Variants in PCARE observed in about 807,000 individuals in gnomAD.
PCARE encodes photoreceptor cilium actin regulator.
In PCARE, 72 loss-of-function variants were observed where a neutral mutation model predicts 82.2. The ratio of observed to expected loss-of-function variants is 0.88; its 90% CI spans 0.72 to 1.07. The LOEUF (loss-of-function observed/expected upper bound fraction) is 1.07, where lower values mean the gene tolerates loss of function less well. PCARE is among the 50% of genes least tolerant of loss of function. The probability of loss-of-function intolerance (pLI) is 0.00; values close to 1 mark genes in which losing one functional copy is unlikely to be tolerated. For missense variants in PCARE, 1,768 were observed against 1,592.4 expected, an observed-to-expected ratio of 1.11 and a Z score of -1.88; for synonymous variants, 705 against 634.8, an observed-to-expected ratio of 1.11 and a Z score of -1.66.
chr2:29,064,835 G>T lies in PCARE; in HGVS notation c.*34C>A, dbSNP rs745626992. ...TGGCTGTCACACTTGGCCTTCTGGG[G>T]TGACTGCGTGAGTGTGGCCCCCTCG... On this transcript the variant is annotated 3_prime_UTR_variant, in exon 2 of 2. Coordinates refer to ENST00000331664, the MANE Select transcript of PCARE (RefSeq NM_001029883.3). 1.2e-4 allele frequency: 187 copies of T among 1,607,310 alleles called. No individual in the cohort carries two copies. Among genetic ancestry groups the T allele is most frequent in the Non-Finnish European group, 1.5e-4 (174 of 1,179,786 alleles).
In PCARE at chr2:29,071,977, C is replaced by T; in HGVS notation, c.2285G>A (p.Cys762Tyr). 1 of 1,613,906 alleles carries T rather than the reference C, an allele frequency of 6.2e-7. No homozygotes were observed. Among genetic ancestry groups the T allele is most frequent in the Non-Finnish European group, 8.5e-7 (1 of 1,179,796 alleles). The change falls in exon 1 of 2, where the codon TGC becomes TAC. Residue 762 changes from cysteine (C) to tyrosine (Y), a missense_variant. Coordinates refer to ENST00000331664, the MANE Select transcript of PCARE (RefSeq NM_001029883.3). ...DAGASPCLRN[C>Y]IMPPRFPKYT... ...CTTGGGAAATCTGGGGGGCATGATG[C>T]AATTCCTGAGGCAGGGACTTGCCCC...
rs771275924 is a variant in PCARE at position 29,072,330 on chromosome 2, G to A, written c.1932C>T (p.Pro644=). 3.1e-6 allele frequency: 5 copies of A among 1,614,112 alleles called. No homozygotes were observed. Among genetic ancestry groups the A allele is most frequent in the Middle Eastern group, 1.7e-4 (1 of 6,058 alleles). The change falls in exon 1 of 2, where the codon CCC becomes CCT. Residue 644 remains proline, a synonymous_variant. Coordinates refer to ENST00000331664, the MANE Select transcript of PCARE (RefSeq NM_001029883.3). ...QGQSQEQILQ[P]RAAAVWPNGT... The stretch of plus-strand genomic sequence containing the variant: ...CATTGGGCCACACGGCGGCTGCTCT[G>A]GGCTGCAGAATTTGCTCCTGGCTCT...
Position 29,064,522 on chromosome 2 carries a change from T to C in PCARE, c.*347A>G. ...ATTCACTGTTGTGAGGCTTAAGTGA[T>C]CTCAAGGAATGAACCCAGTTAAAAC... On this transcript the variant is annotated 3_prime_UTR_variant, in exon 2 of 2. Coordinates refer to ENST00000331664, the MANE Select transcript of PCARE (RefSeq NM_001029883.3). 1 of 444,604 alleles carries C rather than the reference T, an allele frequency of 2.2e-6. No individual in the cohort carries two copies. Among genetic ancestry groups the C allele is most frequent in the Admixed American group, 3.6e-5 (1 of 27,996 alleles). The allele number at this position is 444,604 out of a possible 1,614,324, so 27.5% of individuals were successfully genotyped here.
In PCARE at chr2:29,071,042, G is replaced by A. The variant is rs1299381541; in HGVS notation, c.3220C>T (p.Pro1074Ser). The A allele has an allele frequency of 1.9e-6, 3 of 1,585,764 alleles. No homozygotes were observed. The Admixed American group carries it at 5.0e-5, about 27-fold the overall frequency. The change falls in exon 1 of 2, where the codon CCA becomes TCA. Residue 1074 changes from proline to serine, a missense_variant. By Grantham distance (74) the Pro-to-Ser change is moderately conservative. Transcript: ENST00000331664. ...APAQCKVPSP[P>S]TQHPEASPPF... ...GGGCTTGCTTCTGGGTGCTGGGTTGGGGGGCTGGGGACCTTGCACTGAGCA... is the reference window on the plus strand; with the variant it reads ...GGGCTTGCTTCTGGGTGCTGGGTTGAGGGGCTGGGGACCTTGCACTGAGCA...
rs1437439096 is a variant in PCARE, at chr2:29,072,718, T to A, written c.1544A>T (p.Gln515Leu). 1.2e-6 allele frequency: 2 copies of A among 1,613,942 alleles called. No individual in the cohort carries two copies. The highest frequency in any genetic ancestry group is 2.7e-5 in the African/African-American group (2 of 74,914). ...WQEKTPHSRPQSSPADRESPF... is the reference protein window; with the variant it reads ...WQEKTPHSRPLSSPADRESPF... ...GCTTTCCCGGTCAGCAGGTGAAGAT[T>A]GTGGCCTTGAATGTGGAGTTTTTTC... The change falls in exon 1 of 2, where the codon CAA becomes CTA. Residue 515 changes from glutamine (Q) to leucine (L), a missense_variant. Coordinates refer to ENST00000331664, the MANE Select transcript of PCARE (RefSeq NM_001029883.3).
At position 29,071,483 on chromosome 2, in the gene PCARE, G is replaced by C; in HGVS notation, c.2779C>G (p.Pro927Ala). 6.2e-7 allele frequency: 1 copy of C among 1,611,420 alleles called. No homozygotes were observed. Among genetic ancestry groups the C allele is most frequent in the Non-Finnish European group, 8.5e-7 (1 of 1,179,960 alleles). ...TCGGGGCTTTGGCTGGTGGCTGGTG[G>C]GCTGCTCAGGTCCAGGGCTGGCTTC... ...PRKPALDLSSPPATSQSPEVK... is the reference protein window; with the variant it reads ...PRKPALDLSSAPATSQSPEVK... The change falls in exon 1 of 2, where the codon CCA becomes GCA. Residue 927 changes from proline to alanine, a missense_variant. Pro to Ala is a conservative substitution (Grantham distance 27). Transcript: ENST00000331664.
In PCARE at chr2:29,073,497, C is replaced by A; in HGVS notation, c.765G>T (p.Leu255Phe). 6.2e-7 allele frequency: 1 copy of A among 1,614,160 alleles called. No homozygotes were observed. The highest frequency in any genetic ancestry group is 8.5e-7 in the Non-Finnish European group (1 of 1,180,026). The change falls in exon 1 of 2, where the codon TTG becomes TTT. Residue 255 changes from leucine to phenylalanine, a missense_variant. Transcript: ENST00000331664. ...QEVREDLAWP[L>F]KKREPQEQPN... is the part of the protein sequence containing the mutation. ...GCTGCTCCTGGGGCTCTCTTTTCTT[C>A]AAAGGCCAAGCCAGATCCTCCCTGA... is the stretch of plus-strand genomic sequence containing the variant.
chr2:29,066,210 A>G (rs1572822930), intron 1 of PCARE, among the ~76,000 whole-genome samples: 2 of 152,338 alleles, frequency 1.3e-5, no homozygotes, highest in East Asian at 3.9e-4. Flanking sequence ...AGGCACTCAT[A>G]GGTATCAATA....
At position 29,073,577 on chromosome 2, in the gene PCARE, T is replaced by C. The variant is rs752950311; in HGVS notation, c.685A>G (p.Ile229Val). The C allele has an allele frequency of 2.5e-6, 4 of 1,614,042 alleles. No homozygotes were observed. Among genetic ancestry groups the C allele is most frequent in the Non-Finnish European group, 3.4e-6 (4 of 1,180,034 alleles). The change falls in exon 1 of 2, where the codon ATC (isoleucine) becomes GTC (valine). Residue 229 changes from isoleucine (I) to valine (V), a missense_variant. Coordinates refer to ENST00000331664, the MANE Select transcript of PCARE (RefSeq NM_001029883.3). ...VSFLLLCFEE[I>V]SQLLGEISKD... ...GAGATCTCCCCCAACAGCTGGCTGA[T>C]CTCCTCAAAGCACAGCAGCAAGAAG...
Position 29,064,767 on chromosome 2 carries a change from A to G in PCARE, c.*102T>C, listed in dbSNP as rs1159422728. 1.4e-6 allele frequency: 2 copies of G among 1,476,744 alleles called. No homozygotes were observed. Among genetic ancestry groups the G allele is most frequent in the Non-Finnish European group, 1.9e-6 (2 of 1,078,478 alleles). The allele number at this position is 1,476,744 out of a possible 1,614,324, so 91.5% of individuals were successfully genotyped here. A position where few individuals can be genotyped will look rare whatever the true frequency, so the allele number is the denominator to read the frequency against. On this transcript the variant is annotated 3_prime_UTR_variant, in exon 2 of 2. Coordinates refer to ENST00000331664, the MANE Select transcript of PCARE (RefSeq NM_001029883.3). ...CCAGGCCTTTCCAGGACACCTCAGTAGGAGTTTGGTTTGCCCATCATCTCT... is the reference window on the plus strand; with the variant it reads ...CCAGGCCTTTCCAGGACACCTCAGTGGGAGTTTGGTTTGCCCATCATCTCT...
Position 29,073,769 on chromosome 2 carries a change from G to A in PCARE, c.493C>T (p.His165Tyr), listed in dbSNP as rs1286782401. 6.2e-7 allele frequency: 1 copy of A among 1,614,224 alleles called. No homozygotes were observed. The highest frequency in any genetic ancestry group is 1.1e-5 in the South Asian group (1 of 91,084). Residue 165 changes from histidine to tyrosine, a missense_variant, in exon 1 of 2, where the codon CAC becomes TAC. Physicochemically the swap from His to Tyr is moderately conservative, Grantham distance 83 (BLOSUM62 2). Transcript: ENST00000331664. Reference protein sequence around the residue: ...STQSHCYQTIHPAHEPEGKVD... With the variant: ...STQSHCYQTIYPAHEPEGKVD... ...TTGCCTTCAGGCTCATGAGCAGGGTGGATGGTTTGGTAGCAGTGGCTCTGT... is the reference window on the plus strand; with the variant it reads ...TTGCCTTCAGGCTCATGAGCAGGGTAGATGGTTTGGTAGCAGTGGCTCTGT...
chr2:29,069,648 C>T (rs2148414300), intron 1 of PCARE, among the ~76,000 whole-genome samples: 1 of 152,184 alleles, frequency 6.6e-6, no homozygotes, highest in South Asian at 2.1e-4. Context: ...AGTTTACCTA[C>T]ATCACAAACC....
rs546110503 is a variant in PCARE, at chr2:29,072,522, C to T, written c.1740G>A (p.Thr580=). 37 of 1,614,186 alleles carry T rather than the reference C, an allele frequency of 2.3e-5. No homozygotes were observed. Among genetic ancestry groups the T allele is most frequent in the South Asian group, 5.5e-5 (5 of 91,070 alleles). The change falls in exon 1 of 2, where the codon ACG becomes ACA. Residue 580 remains threonine, a synonymous_variant. Transcript: ENST00000331664. Reference sequence around the variant, plus strand: ...CAGGGGCCCTCCTGCTGCCACTTACCGTGCTAGGTCTTGGGGGGACCACTG... The same window carrying T: ...CAGGGGCCCTCCTGCTGCCACTTACTGTGCTAGGTCTTGGGGGGACCACTG... ...GRTVVPPRPS[T]VSGSRRAPER...
Position 29,073,909 on chromosome 2 carries a change from G to A in PCARE, c.353C>T (p.Thr118Ile), listed in dbSNP as rs1211223024. Reference sequence around the variant, plus strand: ...CCCTTGTGATCCATGGGAACCCTGTGTCTTGAACGGAATATCCTTAGCCAT... The same window carrying A: ...CCCTTGTGATCCATGGGAACCCTGTATCTTGAACGGAATATCCTTAGCCAT... The part of the protein sequence containing the change: ...SHMAKDIPFK[T>I]QGSHGSQGAD... Residue 118 changes from threonine (T) to isoleucine (I), a missense_variant, in exon 1 of 2, where the codon ACA becomes ATA. Physicochemically the swap from Thr to Ile is moderately conservative, Grantham distance 89. Transcript: ENST00000331664. 6 of 1,614,224 alleles carry A rather than the reference G, an allele frequency of 3.7e-6. No individual in the cohort carries two copies. Among genetic ancestry groups the A allele is most frequent in the Non-Finnish European group, 4.2e-6 (5 of 1,180,040 alleles).
chr2:29,062,710 C>T lies in PCARE; in HGVS notation c.*2159G>A, dbSNP rs1018866559. The stretch of plus-strand genomic sequence containing the variant: ...AGCCCTGGACTTTTAAGATGAGGCC[C>T]TTTACGGAAGGAGGCCTGGGCTGGA... On this transcript the variant is annotated 3_prime_UTR_variant, in exon 2 of 2. Transcript: ENST00000331664. 6.6e-6 allele frequency: 1 copy of T among 152,240 alleles called. No homozygotes were observed. Among genetic ancestry groups the T allele is most frequent in the South Asian group, 2.1e-4 (1 of 4,826 alleles). 9.4% of individuals were successfully genotyped at this position (152,240 alleles called of 1,614,324 possible). A position where few individuals can be genotyped will look rare whatever the true frequency, so the allele number is the denominator to read the frequency against.
Position 29,073,024 on chromosome 2 carries a change from A to T in PCARE, c.1238T>A (p.Leu413Gln), listed in dbSNP as rs758499095. Residue 413 changes from leucine to glutamine, a missense_variant, in exon 1 of 2, where the codon CTG becomes CAG. Leu to Gln is a moderately radical substitution (Grantham distance 113). Transcript: ENST00000331664. ...CTTTGCCATAGGAGCCCCTGAGAGC[A>T]GGCAGTCCTGGGGTCTGCCTGAGCC... is the stretch of plus-strand genomic sequence containing the variant. ...CLGSGRPQDC[L>Q]LSGAPMAKVQ... The T allele has an allele frequency of 5.0e-6, 8 of 1,614,014 alleles. No individual in the cohort carries two copies. The Admixed American group carries it at 1.3e-4, about 27-fold the overall frequency.
rs1321793038 is a variant in PCARE at position 29,069,769 on chromosome 2, TAATA to T, written c.3668+821_3668+824del. Among the ~76,000 whole-genome samples, 7 of 151,914 alleles carry T rather than the reference TAATA, an allele frequency of 4.6e-5. No individual in the cohort carries two copies. The South Asian group carries it at 1.5e-3, about 32-fold the overall frequency. ...TGTGTTAACGTATTTTTTAAAAAAATAATAAATATTTTACATATTTCTCAGTTTT... is the reference window on the plus strand; with the variant it reads ...TGTGTTAACGTATTTTTTAAAAAAATAATATTTTACATATTTCTCAGTTTT... On this transcript the variant is annotated intron_variant, in intron 1 of 1. Coordinates refer to ENST00000331664, the MANE Select transcript of PCARE (RefSeq NM_001029883.3).
Position 29,072,082 on chromosome 2 carries a change from G to C in PCARE, c.2180C>G (p.Thr727Ser). The C allele has an allele frequency of 6.2e-7, 1 of 1,614,228 alleles. No homozygotes were observed. The highest frequency in any genetic ancestry group is 8.5e-7 in the Non-Finnish European group (1 of 1,180,046). The change falls in exon 1 of 2, where the codon ACC (threonine) becomes AGC (serine). Residue 727 changes from threonine (T) to serine (S), a missense_variant. Transcript: ENST00000331664. ...AATAAGCTTCTTGACGGATGTTCTG[G>C]TGGGACAGCCTCTGACATTCCAGTC... Reference protein sequence around the residue: ...ATDWNVRGCPTRTSVKKLIET... With the variant: ...ATDWNVRGCPSRTSVKKLIET...
chr2:29,066,637 C>T (rs1572823168), intron 1 of PCARE, among the ~76,000 whole-genome samples: 1 of 152,224 alleles, frequency 6.6e-6, no homozygotes, highest in Non-Finnish European at 1.5e-5. Flanking sequence ...GGGGTGGGCG[C>T]TAAGACCAGC....
Sources: gnomAD v4.1 joint callset for allele counts (sites outside exome capture counted in the v4.1 genomes callset) on GRCh38, gnomAD v4.1.1 for gene constraint, MANE v1.5 for transcripts, NCBI Gene and HGNC (gene_info 2026-07-23, HGNC 2026-07-21) for gene names.